Variants in RTN4 observed in about 807,000 individuals in gnomAD.
The protein encoded by RTN4 is reticulon 4, also known as reticulon-4.
RTN4 carries 32 observed loss-of-function variants against 90.4 expected under a neutral mutation model. That is an observed-to-expected ratio of 0.35 (90% CI 0.27 to 0.48). The LOEUF is 0.48. Ranked by LOEUF, RTN4 falls within the 20% of genes least tolerant of loss-of-function variation. The pLI is 0.99. For missense variants in RTN4, 1,706 were observed against 1,430.2 expected (o/e 1.19, Z -3.11); for synonymous variants, 629 against 552.5 (o/e 1.14, Z -1.94).
intron 1 of RTN4, among the ~76,000 whole-genome samples, chr2:55,099,875 G>A (rs571283981): frequency 1.3e-5 from 2 of 152,110 alleles, no homozygotes; most frequent in Non-Finnish European, 2.9e-5. Flanking sequence ...ACATAGGGCT[G>A]TGTAAGCATT....
the RTN4 span, among the ~76,000 whole-genome samples, chr2:55,135,517 G>A: frequency 0.094 from 14,300 of 152,108 alleles, 788 homozygotes; most frequent in East Asian, 0.22. Flanking sequence ...TCAATTATAC[G>A]TTTAAAAGAT....
At chr2:55,121,646 C>G in the RTN4 span, among the ~76,000 whole-genome samples, 2 of 152,072 alleles carry the variant, frequency 1.3e-5, no homozygotes, top group African/African-American at 4.8e-5. Flanking sequence ...TATTATCATG[C>G]TATTGTCATC....
At chr2:55,136,770 C>G in the RTN4 span, among the ~76,000 whole-genome samples, 2 of 152,232 alleles carry the variant, frequency 1.3e-5, no homozygotes, top group Non-Finnish European at 2.9e-5. Flanking sequence ...TTAAATCTGA[C>G]TCGCATTATT....
At chr2:54,993,868 C>G (rs540233775) in intron 3 of RTN4, among the ~76,000 whole-genome samples, 7 of 152,334 alleles carry the variant, frequency 4.6e-5, no homozygotes, top group African/African-American at 1.7e-4. Context: ...GCAATCTACA[C>G]TGCCACCAAC....
At chr2:55,036,811 G>A in intron 1 of RTN4, among the ~76,000 whole-genome samples, 1 of 151,962 alleles carries the variant, frequency 6.6e-6, no homozygotes, top group East Asian at 1.9e-4. Flanking sequence ...CAACCTAAGA[G>A]TCAGGATATC....
chr2:55,136,017 A>G, the RTN4 span, among the ~76,000 whole-genome samples: 1 of 152,194 alleles, frequency 6.6e-6, no homozygotes, highest in Admixed American at 6.5e-5. Flanking sequence ...CAGGCATGTT[A>G]GGTGACCAGC....
In RTN4 at chr2:55,027,077, T is replaced by C. The variant is rs1681949544; in HGVS notation, c.1022A>G (p.His341Arg). 1 of 1,613,402 alleles carries C rather than the reference T, an allele frequency of 6.2e-7. No individual in the cohort carries two copies. The highest frequency in any genetic ancestry group is 8.5e-7 in the Non-Finnish European group (1 of 1,179,694). Residue 341 changes from histidine (H) to arginine (R), a missense_variant, in exon 3 of 9, where the codon CAT (histidine) becomes CGT (arginine). His to Arg is a conservative substitution (Grantham distance 29, BLOSUM62 0). Transcript: ENST00000337526. ...AGCTGTAGGTAACTCTTGTTGATTA[T>C]GAAGGATGTTATTACTAACTAACTT... The part of the protein sequence containing the change: ...EEKLVSNNIL[H>R]NQQELPTALT...
At chr2:55,123,991 G>A in the RTN4 span, among the ~76,000 whole-genome samples, 1 of 152,040 alleles carries the variant, frequency 6.6e-6, no homozygotes, top group African/African-American at 2.4e-5. Context: ...ATGGACTAAG[G>A]ACTTTGTATC....
In RTN4 at chr2:54,972,645, A is replaced by C. The variant is rs1303147935; in HGVS notation, c.*511T>G. 6.5e-6 allele frequency: 1 copy of C among 152,812 alleles called. No individual in the cohort carries two copies. Among genetic ancestry groups the C allele is most frequent in the Non-Finnish European group, 1.5e-5 (1 of 68,166 alleles). The allele number at this position is 152,812 out of a possible 1,614,324, so 9.5% of individuals were successfully genotyped here. On this transcript the variant is annotated 3_prime_UTR_variant, in exon 9 of 9. Coordinates refer to ENST00000337526, the MANE Select transcript of RTN4 (RefSeq NM_020532.5). The stretch of plus-strand genomic sequence containing the variant: ...TACTTATATTGGCAATTAATATAAC[A>C]GTAAAAGTCACAATACACCTAGAAC...
chr2:55,034,313 C>T (rs912026288), intron 1 of RTN4, among the ~76,000 whole-genome samples: 1 of 151,996 alleles, frequency 6.6e-6, no homozygotes, highest in South Asian at 2.1e-4. Context: ...CCAGCCCAGG[C>T]AACAAAGTGA....
At chr2:55,053,150 G>C (rs1465574534), upstream of RTN4, among the ~76,000 whole-genome samples, 1 of 152,148 alleles carries the variant, frequency 6.6e-6, no homozygotes. Context: ...ATAAGTATTT[G>C]ATAGATAGAT....
intron 2 of RTN4, among the ~76,000 whole-genome samples, chr2:55,072,286 G>T (rs972434039): frequency 6.6e-6 from 1 of 151,232 alleles, no homozygotes; most frequent in Non-Finnish European, 1.5e-5. Flanking sequence ...CTGGAGTGCA[G>T]TGGCGCGATC....
In RTN4 at chr2:55,103,640, C is replaced by T. The variant is rs796663373; in HGVS notation, c.-214+8880G>A. On this transcript the variant is annotated intron_variant, in intron 1 of 3. Coordinates refer to the RTN4 transcript ENST00000427710. ...AGCTGTGTACTTTATTTTTTTCCCT[C>T]TTTTTCTACGTCTCACAGAAGACTT... Among the ~76,000 whole-genome samples the T allele has an allele frequency of 3.6e-4, 55 of 152,104 alleles. 1 individual carries two copies. The highest frequency in any genetic ancestry group is 1.2e-3 in the African/African-American group (48 of 41,470).
upstream of RTN4, among the ~76,000 whole-genome samples, chr2:55,113,521 G>GGTA (rs1486375428): frequency 6.6e-6 from 1 of 152,184 alleles, no homozygotes; most frequent in Non-Finnish European, 1.5e-5. Context: ...GGGTGGTGGT[G>GGTA]GTAGTTGCTC....
At position 55,026,969 on chromosome 2, in the gene RTN4, T is replaced by G. The variant is rs1409499398; in HGVS notation, c.1130A>C (p.Glu377Ala). Residue 377 changes from glutamate to alanine, a missense_variant, in exon 3 of 9, where the codon GAA (glutamate) becomes GCA (alanine). By Grantham distance (107) the Glu-to-Ala change is moderately radical. Transcript: ENST00000337526. ...DSFNEKRVAV[E>A]APMREEYADF... ...TGCATATTCCTCCCTCATAGGAGCT[T>G]CCACTGCAACTCTCTTTTCATTAAA... 1.2e-6 allele frequency: 2 copies of G among 1,613,482 alleles called. No individual in the cohort carries two copies. The highest frequency in any genetic ancestry group is 3.3e-5 in the Admixed American group (2 of 59,978).
intron 1 of RTN4, among the ~76,000 whole-genome samples, chr2:55,107,568 G>A (rs1667965782): frequency 6.6e-6 from 1 of 151,992 alleles, no homozygotes. Context: ...TGGTGGCTAG[G>A]AATCCAAAGA....
the RTN4 span, among the ~76,000 whole-genome samples, chr2:55,119,097 GA>G: frequency 6.6e-6 from 1 of 152,346 alleles, no homozygotes; most frequent in African/African-American, 2.4e-5. Flanking sequence ...ACAAGGGAAG[GA>G]GACAGAGGTG....
Position 55,050,362 on chromosome 2 carries a change from C to T in RTN4, c.-62G>A. On this transcript the variant is annotated 5_prime_UTR_variant, in exon 1 of 9. Transcript: ENST00000337526. This position sits in a 1 kb window ranked among gnomAD's most constrained non-coding sequence, Gnocchi z 4.6. ...CCGCCGCCGGGGCCGCGTCTCAGAG[C>T]CGCGGGCGGTTGTGGGGGTTGGGGA... 2.5e-6 allele frequency: 3 copies of T among 1,176,916 alleles called. No homozygotes were observed. Among genetic ancestry groups the T allele is most frequent in the Non-Finnish European group, 2.2e-6 (2 of 893,296 alleles). 72.9% of individuals were successfully genotyped at this position (1,176,916 alleles called of 1,614,324 possible). A position where few individuals can be genotyped will look rare whatever the true frequency, so the allele number is the denominator to read the frequency against.
intron 3 of RTN4, among the ~76,000 whole-genome samples, chr2:54,991,464 A>C (rs1308371270): frequency 6.6e-6 from 1 of 152,234 alleles, no homozygotes; most frequent in East Asian, 1.9e-4. Flanking sequence ...CCTAGCATGT[A>C]CCAGCTCAGC....
Sources: allele counts gnomAD v4.1 joint callset (sites outside exome capture counted in the v4.1 genomes callset), GRCh38; gene constraint gnomAD v4.1.1; non-coding constraint Gnocchi (gnomAD v3.1); transcripts MANE v1.5; gene names NCBI Gene and HGNC (gene_info 2026-07-23, HGNC 2026-07-21).